The following ZNF322 variants were observed in gnomAD, a reference collection of about 807,000 sequenced individuals.
The protein encoded by ZNF322 is zinc finger protein 322.
A neutral mutation model predicts 18.3 loss-of-function variants in ZNF322; 1 was observed. The ratio of observed to expected loss-of-function variants is 0.05; its 90% CI spans 0.02 to 0.26. The LOEUF is 0.26. ZNF322 is among the 10% of genes least tolerant of loss of function. The pLI is 1.00. For missense variants in ZNF322, 36 were observed against 403.6 expected (o/e 0.09, Z 7.80); for synonymous variants, 17 against 130.7 (o/e 0.13, Z 5.93).
intron 3 of ZNF322, among the ~76,000 whole-genome samples, chr6:26,640,055 G>A (rs2451746): frequency 6.6e-6 from 1 of 151,888 alleles, no homozygotes; most frequent in Non-Finnish European, 1.5e-5. Flanking sequence ...TTATTCCTTC[G>A]TATTGGACCA....
At chr6:26,657,713 C>T (rs1765807178) in intron 2 of ZNF322, among the ~76,000 whole-genome samples, 1 of 152,022 alleles carries the variant, frequency 6.6e-6, no homozygotes, top group Non-Finnish European at 1.5e-5. Flanking sequence ...AAAGTGTGAA[C>T]AAATACCAGA....
intron 2 of ZNF322, among the ~76,000 whole-genome samples, chr6:26,649,992 T>C (rs530328722): frequency 1.3e-5 from 2 of 151,920 alleles, no homozygotes; most frequent in East Asian, 3.9e-4. Context: ...CGTGCGCCAC[T>C]GTGCCAGCCA....
At chr6:26,642,698 A>G (rs1216238962) in intron 3 of ZNF322, among the ~76,000 whole-genome samples, 1 of 152,114 alleles carries the variant, frequency 6.6e-6, no homozygotes, top group African/African-American at 2.4e-5. Context: ...ATTTTCTTTT[A>G]TTAAATTCAG....
chr6:26,642,134 T>C (rs967266142), intron 3 of ZNF322, among the ~76,000 whole-genome samples: 2 of 152,132 alleles, frequency 1.3e-5, no homozygotes, highest in Non-Finnish European at 2.9e-5. Flanking sequence ...TTGTGTAAAG[T>C]CAAACATAAA....
chr6:26,658,101 C>T (rs1581499945), intron 2 of ZNF322, among the ~76,000 whole-genome samples: 1 of 152,026 alleles, frequency 6.6e-6, no homozygotes, highest in African/African-American at 2.4e-5. Context: ...TCATTGATTA[C>T]ATGGATTATC....
chr6:26,647,686 CACT>C (rs1765580377), intron 2 of ZNF322, among the ~76,000 whole-genome samples: 1 of 152,024 alleles, frequency 6.6e-6, no homozygotes, highest in Non-Finnish European at 1.5e-5. Flanking sequence ...CCATAAAAAG[CACT>C]AGGCCCAGAT....
chr6:26,643,934 C>T (rs1163719885), intron 2 of ZNF322, among the ~76,000 whole-genome samples: 1 of 152,136 alleles, frequency 6.6e-6, no homozygotes, highest in Non-Finnish European at 1.5e-5. Flanking sequence ...GAATCTATAA[C>T]CCATCTGCAC....
chr6:26,646,667 T>G (rs1765564564), intron 2 of ZNF322, among the ~76,000 whole-genome samples: 1 of 152,194 alleles, frequency 6.6e-6, no homozygotes, highest in Non-Finnish European at 1.5e-5. Context: ...ACCTAATTAA[T>G]AAGTAAATCT....
At chr6:26,639,735 C>T (rs1433048571) in intron 3 of ZNF322, among the ~76,000 whole-genome samples, 1 of 152,192 alleles carries the variant, frequency 6.6e-6, no homozygotes, top group Non-Finnish European at 1.5e-5. Context: ...GACCCTCCCT[C>T]ATACATTCAG....
intron 2 of ZNF322, among the ~76,000 whole-genome samples, chr6:26,653,289 C>A (rs1369598715): frequency 6.6e-6 from 1 of 152,140 alleles, no homozygotes; most frequent in Non-Finnish European, 1.5e-5. Context: ...CATATGGGTA[C>A]AATCTCGTCC....
chr6:26,639,259 A>G (rs1305848450), intron 3 of ZNF322, among the ~76,000 whole-genome samples: 2 of 152,208 alleles, frequency 1.3e-5, no homozygotes, highest in Non-Finnish European at 2.9e-5. Flanking sequence ...AAACTACCTT[A>G]CACGGTTCTG....
chr6:26,645,095 G>A (rs555703171), intron 2 of ZNF322, among the ~76,000 whole-genome samples: 1 of 151,882 alleles, frequency 6.6e-6, no homozygotes, highest in East Asian at 1.9e-4. Context: ...AATTGGCCAT[G>A]GAAGTCAGTG....
chr6:26,659,243 A>G (rs2113681143), intron 1 of ZNF322, among the ~76,000 whole-genome samples, 198 bp downstream of exon 1: 1 of 152,376 alleles, frequency 6.6e-6, no homozygotes, highest in South Asian at 2.1e-4. Flanking sequence ...AGTGTTTACT[A>G]TCTCTAGGAA....
At chr6:26,645,782 C>A (rs2451749) in intron 2 of ZNF322, among the ~76,000 whole-genome samples, 98,750 of 151,720 alleles carry the variant, frequency 0.65, 32,595 homozygotes, top group East Asian at 0.78. Flanking sequence ...CTGTAATCCC[C>A]GCACTTTGGG....
chr6:26,641,547 TAAG>T (rs1198967784), intron 3 of ZNF322, among the ~76,000 whole-genome samples: 3 of 152,216 alleles, frequency 2.0e-5, no homozygotes, highest in Non-Finnish European at 4.4e-5. Flanking sequence ...AAGGAAGACA[TAAG>T]AAACTCCATT....
intron 1 of ZNF322, 133 bp downstream of exon 1, chr6:26,659,308 C>T (rs1765839845): frequency 1.3e-5 from 2 of 155,922 alleles, no homozygotes; most frequent in African/African-American, 4.8e-5. Context: ...TTTCAGTCCT[C>T]CGTCCGCCGT....
At chr6:26,652,445 T>C (rs1765687786) in intron 2 of ZNF322, among the ~76,000 whole-genome samples, 1 of 152,076 alleles carries the variant, frequency 6.6e-6, no homozygotes, top group African/African-American at 2.4e-5. Flanking sequence ...TCCCAGCACT[T>C]TGGGAGGCTG....
chr6:26,639,456 C>T (rs1208682711), intron 3 of ZNF322, among the ~76,000 whole-genome samples: 8 of 152,042 alleles, frequency 5.3e-5, no homozygotes, highest in African/African-American at 1.7e-4. Flanking sequence ...GATTTTATAA[C>T]AGGCTTTTCT....
intron 3 of ZNF322, among the ~76,000 whole-genome samples, chr6:26,642,095 C>G (rs573093952): frequency 6.6e-6 from 1 of 152,282 alleles, no homozygotes; most frequent in African/African-American, 2.4e-5. Flanking sequence ...ATGCTGGAGG[C>G]AATACTGCTC....
Sources: allele counts gnomAD v4.1 joint callset (sites outside exome capture counted in the v4.1 genomes callset), GRCh38; gene constraint gnomAD v4.1.1; transcripts MANE v1.5; gene names NCBI Gene and HGNC (gene_info 2026-07-23, HGNC 2026-07-21).